Variants in CACNA2D1 observed in about 807,000 individuals in gnomAD.
CACNA2D1 encodes the protein voltage-dependent calcium channel subunit alpha-2/delta-1.
CACNA2D1 carries 53 observed loss-of-function variants against 171.5 expected under a neutral mutation model. The ratio of observed to expected loss-of-function variants is 0.31; its 90% CI spans 0.25 to 0.39. The LOEUF (loss-of-function observed/expected upper bound fraction) is 0.39. Ranked by LOEUF, CACNA2D1 falls within the 10% of genes least tolerant of loss-of-function variation. CACNA2D1 has a pLI of 1.00. For synonymous variants in CACNA2D1, 442 were observed against 443.1 expected, an observed-to-expected ratio of 1.00 and a Z score of 0.03; for missense variants, 903 against 1,299.8, an observed-to-expected ratio of 0.69 and a Z score of 4.69.
At chr7:81,973,635 A>T (rs1795526897) in intron 25 of CACNA2D1, among the ~76,000 whole-genome samples, 1 of 152,066 alleles carries the variant, frequency 6.6e-6, no homozygotes, top group South Asian at 2.1e-4. Context: ...GAACCAAAAA[A>T]GTCAATTATG....
At chr7:82,245,660 T>A (rs2367917) in intron 3 of CACNA2D1, among the ~76,000 whole-genome samples, 87,343 of 138,444 alleles carry the variant, frequency 0.63, 26,327 homozygotes, top group African/African-American at 0.7. Flanking sequence ...TCTCTCTCTC[T>A]CTCACACACA....
chr7:82,192,399 A>AATATATATATATATATAT (rs57832901), intron 3 of CACNA2D1, among the ~76,000 whole-genome samples: 2 of 146,720 alleles, frequency 1.4e-5, no homozygotes, highest in East Asian at 4.0e-4. Flanking sequence ...AAACAGGGGA[A>AATATATATATATATATAT]ATATATATAT....
At chr7:82,144,308 G>C (rs1792734618) in intron 4 of CACNA2D1, among the ~76,000 whole-genome samples, 1 of 151,672 alleles carries the variant, frequency 6.6e-6, no homozygotes, top group Non-Finnish European at 1.5e-5. Context: ...AGTATTATTT[G>C]CTTAAAGTTT....
chr7:82,163,846 C>T (rs1455615213), intron 4 of CACNA2D1, among the ~76,000 whole-genome samples: 2 of 151,888 alleles, frequency 1.3e-5, no homozygotes, highest in Admixed American at 6.6e-5. Flanking sequence ...CTGAGACAAA[C>T]CCTGGGGTTT....
chr7:81,958,188 G>T (rs1037706570), intron 38 of CACNA2D1, among the ~76,000 whole-genome samples: 1 of 151,652 alleles, frequency 6.6e-6, no homozygotes, highest in Non-Finnish European at 1.5e-5. Flanking sequence ...GGGATTGACT[G>T]GCTAATACAT....
chr7:82,123,584 C>T (rs1197193053), intron 5 of CACNA2D1, among the ~76,000 whole-genome samples: 1 of 152,182 alleles, frequency 6.6e-6, no homozygotes, highest in Admixed American at 6.6e-5. Context: ...AGGCCCTCTT[C>T]TTCCTCATAG....
intron 16 of CACNA2D1, among the ~76,000 whole-genome samples, 200 bp from the exon 17 acceptor site, chr7:82,006,039 T>G (rs2130872399): frequency 6.6e-6 from 1 of 152,098 alleles, no homozygotes; most frequent in South Asian, 2.1e-4. Context: ...ATCATTTAAC[T>G]TAGCAAAGAA....
chr7:81,978,170 A>G (rs1796051101), intron 24 of CACNA2D1, among the ~76,000 whole-genome samples: 1 of 152,200 alleles, frequency 6.6e-6, no homozygotes, highest in Non-Finnish European at 1.5e-5. Flanking sequence ...ATTGTGGAAG[A>G]CAGTGTGGCG....
chr7:82,278,878 C>T (rs1024726214), intron 3 of CACNA2D1, among the ~76,000 whole-genome samples: 2 of 152,172 alleles, frequency 1.3e-5, no homozygotes, highest in Non-Finnish European at 1.5e-5. Flanking sequence ...AGGGTCTACT[C>T]GTTCAGCACA....
intron 3 of CACNA2D1, among the ~76,000 whole-genome samples, chr7:82,192,463 TGTG>T (rs1563182443): frequency 0.013 from 21 of 1,666 alleles, no homozygotes; most frequent in Admixed American, 0.053. Context: ...TTTGTGTTTG[TGTG>T]TGTGTGTGTG....
intron 15 of CACNA2D1, among the ~76,000 whole-genome samples, chr7:82,010,189 G>T (rs759227540): frequency 6.6e-6 from 1 of 151,538 alleles, no homozygotes; most frequent in African/African-American, 2.4e-5. Context: ...ATTATATTTC[G>T]TTTTGAAATA....
intron 15 of CACNA2D1, among the ~76,000 whole-genome samples, chr7:82,011,681 T>G (rs529906714): frequency 6.6e-6 from 1 of 152,278 alleles, no homozygotes; most frequent in Admixed American, 6.5e-5. Flanking sequence ...GGTAAAGTTT[T>G]TGCCTATCTA....
chr7:82,408,216 T>G (rs1031643326), intron 1 of CACNA2D1, among the ~76,000 whole-genome samples: 4 of 150,282 alleles, frequency 2.7e-5, no homozygotes, highest in Admixed American at 6.6e-5. Context: ...AGAGGCGGGG[T>G]TTCACCATAT....
chr7:82,161,263 G>C (rs575370157), intron 4 of CACNA2D1, among the ~76,000 whole-genome samples: 1 of 151,986 alleles, frequency 6.6e-6, no homozygotes, highest in Non-Finnish European at 1.5e-5. Flanking sequence ...AGACATGAGG[G>C]AAGGTCAAAG....
intron 6 of CACNA2D1, among the ~76,000 whole-genome samples, chr7:82,103,168 C>T (rs1812892192): frequency 6.6e-6 from 1 of 152,002 alleles, no homozygotes; most frequent in Non-Finnish European, 1.5e-5. Context: ...ATTAGCTGGG[C>T]ATGGTGGCAG....
chr7:82,291,148 A>ATATAATTCTAGATCGATATAGAAT (rs1811488605), intron 3 of CACNA2D1, among the ~76,000 whole-genome samples: 1 of 129,562 alleles, frequency 7.7e-6, no homozygotes, highest in Non-Finnish European at 1.6e-5. Flanking sequence ...CCACTTGTAC[A>ATATAATTCTAGATCGATATAGAAT]TATAATTCTA....
intron 1 of CACNA2D1, among the ~76,000 whole-genome samples, chr7:82,440,036 T>C (rs1830377098): frequency 6.6e-6 from 1 of 151,776 alleles, no homozygotes; most frequent in South Asian, 2.1e-4. Flanking sequence ...TACAAATTTC[T>C]CTAATAACAG....
intron 1 of CACNA2D1, among the ~76,000 whole-genome samples, chr7:82,366,188 G>A (rs997807337): frequency 1.3e-5 from 2 of 151,630 alleles, no homozygotes; most frequent in Non-Finnish European, 2.9e-5. Context: ...ATTTGACACC[G>A]TCATTGAAAA....
At chr7:81,961,419 A>G (rs1313550944) in intron 36 of CACNA2D1, among the ~76,000 whole-genome samples, 1 of 152,016 alleles carries the variant, frequency 6.6e-6, no homozygotes, top group Non-Finnish European at 1.5e-5. Flanking sequence ...GTCAGAGAAG[A>G]CTAGAAGTAA....
Sources: gnomAD v4.1 joint callset for allele counts (sites outside exome capture counted in the v4.1 genomes callset) on GRCh38, gnomAD v4.1.1 for gene constraint, MANE v1.5 for transcripts, NCBI Gene and HGNC (gene_info 2026-07-23, HGNC 2026-07-21) for gene names.